MAD1L1: variants seen among roughly 807,000 people sequenced by gnomAD.
MAD1L1 encodes the protein mitotic arrest deficient 1 like 1, also known as mitotic spindle assembly checkpoint protein MAD1.
A neutral mutation model predicts 96.9 loss-of-function variants in MAD1L1; 95 were observed. The observed-to-expected ratio is 0.98, with a 90% CI of 0.83 to 1.16. MAD1L1 has a LOEUF of 1.16. Among genes scored for constraint, MAD1L1 ranks in the 50% most tolerant of loss-of-function variants. The pLI is 0.00. For missense variants in MAD1L1, 1,007 were observed against 954.4 expected (o/e 1.06, Z -0.73); for synonymous variants, 473 against 396.6 (o/e 1.19, Z -2.29).
rs894718466 is a variant in MAD1L1, at chr7:2,225,711, G to C, written c.151-161C>G. ...CACTGGGCTCCAGGCTGGGGAACAG[G>C]GGAGGGGCAGGAAACGGGAAGGTGA... On this transcript the variant is annotated intron_variant, in intron 3 of 18. Transcript: ENST00000265854. 3 of 712,176 alleles carry C rather than the reference G, an allele frequency of 4.2e-6. No homozygotes were observed. The African/African-American group carries it at 5.4e-5, about 13-fold the overall frequency. 44.1% of individuals were successfully genotyped at this position (712,176 alleles called of 1,614,324 possible).
chr7:2,161,137 C>A (rs1385459305), intron 10 of MAD1L1, among the ~76,000 whole-genome samples: 1 of 131,734 alleles, frequency 7.6e-6, no homozygotes, highest in African/African-American at 2.8e-5. Context: ...CCCCTTTGCA[C>A]GGTCTCCCTC....
chr7:2,087,663 G>A (rs913184990), intron 11 of MAD1L1, among the ~76,000 whole-genome samples: 5 of 152,210 alleles, frequency 3.3e-5, no homozygotes, highest in African/African-American at 9.7e-5. Context: ...CTGGCAGGGC[G>A]GACCTCTCCT....
At chr7:1,970,402 C>T (rs188443964) in intron 15 of MAD1L1, among the ~76,000 whole-genome samples, 2 of 142,546 alleles carry the variant, frequency 1.4e-5, no homozygotes, top group African/African-American at 5.3e-5. Context: ...GGCACGATCT[C>T]GGCTCACTGC....
At chr7:2,153,777 AC>A (rs1412389759) in intron 10 of MAD1L1, among the ~76,000 whole-genome samples, 5 of 152,382 alleles carry the variant, frequency 3.3e-5, no homozygotes, top group Admixed American at 6.5e-5. Context: ...TGGCAAAGAT[AC>A]GGAATTAACC....
At chr7:2,128,922 A>G (rs1460305501) in intron 11 of MAD1L1, among the ~76,000 whole-genome samples, 1 of 152,214 alleles carries the variant, frequency 6.6e-6, no homozygotes. Flanking sequence ...CACGGACCAC[A>G]GGGAGGAGGA....
chr7:1,936,678 G>C lies in MAD1L1; in HGVS notation c.1807+9C>G, dbSNP rs369876736. 7.8e-6 allele frequency: 12 copies of C among 1,547,334 alleles called. No individual in the cohort carries two copies. Among genetic ancestry groups the C allele is most frequent in the Non-Finnish European group, 1.0e-5 (12 of 1,147,282 alleles). ...AGGATGGCAGGGACCGGGGGTGGGG[G>C]GTGCCTACCTGCCACCTCCTTGGAC... On this transcript the variant is annotated intron_variant, in intron 17 of 18. Coordinates refer to ENST00000265854, the MANE Select transcript of MAD1L1 (RefSeq NM_001013836.2).
At chr7:1,846,999 C>T in intron 18 of MAD1L1, 1 of 332,356 alleles carries the variant, frequency 3.0e-6, no homozygotes. Flanking sequence ...TTTCATTGAC[C>T]ACATTCATTA....
At chr7:1,983,160 A>G (rs922904993) in intron 14 of MAD1L1, among the ~76,000 whole-genome samples, 2 of 88,944 alleles carry the variant, frequency 2.2e-5, no homozygotes, top group African/African-American at 8.3e-5. Context: ...GCGCGCACAC[A>G]CACACACACA....
chr7:1,875,962 G>A (rs1245919713), intron 18 of MAD1L1, among the ~76,000 whole-genome samples: 3 of 152,214 alleles, frequency 2.0e-5, no homozygotes, highest in South Asian at 2.1e-4. Flanking sequence ...AGGGGCGGCC[G>A]TCCACAAGCC....
intron 11 of MAD1L1, among the ~76,000 whole-genome samples, chr7:2,079,518 C>T (rs1274508003): frequency 6.6e-6 from 1 of 152,242 alleles, no homozygotes; most frequent in Non-Finnish European, 1.5e-5. Flanking sequence ...GATGAACGCT[C>T]TGTTCCCAAC....
intron 18 of MAD1L1, among the ~76,000 whole-genome samples, chr7:1,880,824 T>C (rs1474945010): frequency 6.6e-6 from 1 of 152,098 alleles, no homozygotes; most frequent in South Asian, 2.1e-4. Flanking sequence ...AGAAAAGAGA[T>C]GGAACTGAGA....
chr7:1,854,418 C>A (rs777704783), intron 18 of MAD1L1: 45 of 457,724 alleles, frequency 9.8e-5, no homozygotes, highest in South Asian at 7.0e-4. Context: ...GGCTCGTAAA[C>A]AGAGTTCACT....
At chr7:2,180,068 C>T (rs560031394) in intron 10 of MAD1L1, among the ~76,000 whole-genome samples, 1 of 152,308 alleles carries the variant, frequency 6.6e-6, no homozygotes, top group Non-Finnish European at 1.5e-5. Flanking sequence ...ATGAGTCTGT[C>T]AACCACTTCA....
At chr7:2,118,357 A>G (rs1041596786) in intron 11 of MAD1L1, among the ~76,000 whole-genome samples, 4 of 152,122 alleles carry the variant, frequency 2.6e-5, no homozygotes, top group Non-Finnish European at 5.9e-5. Context: ...GTGCAGGTGA[A>G]CCCTCCCTCC....
At chr7:1,938,401 C>G (rs973652064) in intron 16 of MAD1L1, among the ~76,000 whole-genome samples, 3 of 152,054 alleles carry the variant, frequency 2.0e-5, no homozygotes, top group African/African-American at 7.2e-5. Context: ...TCAGGAAGTG[C>G]TGGCCGTAAA....
intron 12 of MAD1L1, among the ~76,000 whole-genome samples, chr7:2,051,115 G>A (rs988353873): frequency 6.6e-6 from 1 of 152,180 alleles, no homozygotes; most frequent in Non-Finnish European, 1.5e-5. Context: ...ACAATGTCAG[G>A]CCAAAGCCTG....
At chr7:1,888,089 G>A (rs1012921585) in intron 18 of MAD1L1, among the ~76,000 whole-genome samples, 2 of 147,748 alleles carry the variant, frequency 1.4e-5, no homozygotes, top group Non-Finnish European at 1.5e-5. Context: ...GCATGAGCAT[G>A]CATGTTCATG....
intron 10 of MAD1L1, among the ~76,000 whole-genome samples, chr7:2,187,603 G>A (rs1224133338): frequency 6.6e-6 from 1 of 152,124 alleles, no homozygotes; most frequent in Non-Finnish European, 1.5e-5. Context: ...CGAGCAGCTG[G>A]AACTACAGGA....
At chr7:2,189,465 G>A (rs764949528) in intron 10 of MAD1L1, among the ~76,000 whole-genome samples, 1 of 152,216 alleles carries the variant, frequency 6.6e-6, no homozygotes, top group Non-Finnish European at 1.5e-5. Context: ...CTCAGCCTTA[G>A]AAAGAAAGGA....
Sources: allele counts gnomAD v4.1 joint callset (sites outside exome capture counted in the v4.1 genomes callset), GRCh38; gene constraint gnomAD v4.1.1; transcripts MANE v1.5; gene names NCBI Gene and HGNC (gene_info 2026-07-23, HGNC 2026-07-21).